PLA1A: variants seen among roughly 807,000 people sequenced by gnomAD.
The protein encoded by PLA1A is phosphatidylserine-specific phospholipase A1alpha.
PLA1A carries 47 observed loss-of-function variants against 49.4 expected under a neutral mutation model. The observed-to-expected ratio is 0.95, with a 90% CI of 0.75 to 1.21. The LOEUF (loss-of-function observed/expected upper bound fraction) is 1.21. Among genes scored for constraint, PLA1A ranks in the 50% most tolerant of loss-of-function variants. PLA1A has a pLI of 0.00. For missense variants in PLA1A, 561 were observed against 563.9 expected, an observed-to-expected ratio of 0.99 and a Z score of 0.05; for synonymous variants, 224 against 207.9, an observed-to-expected ratio of 1.08 and a Z score of -0.67.
Position 119,628,864 on chromosome 3 carries a change from A to AG in PLA1A, c.1286+1dup. 3 of 1,613,322 alleles carry AG rather than the reference A, an allele frequency of 1.9e-6. No individual in the cohort carries two copies. Among genetic ancestry groups the AG allele is most frequent in the Non-Finnish European group, 2.5e-6 (3 of 1,179,256 alleles). Reference sequence around the variant, plus strand: ...CACTGCCCTTTTGCCTGTCAATGACAGGTAAGCCCCAGTATTCACCTCTGC... The same window carrying AG: ...CACTGCCCTTTTGCCTGTCAATGACAGGGTAAGCCCCAGTATTCACCTCTGC... On this transcript the variant is annotated frameshift_variant and splice_region_variant, in exon 10 of 11. Transcript: ENST00000273371. LOFTEE classifies it high-confidence loss of function.
chr3:119,629,622 G>C lies in PLA1A; in HGVS notation c.*154G>C, dbSNP rs905852541. The C allele has an allele frequency of 2.4e-5, 14 of 591,808 alleles. No individual in the cohort carries two copies. Among genetic ancestry groups the C allele is most frequent in the Non-Finnish European group, 4.2e-5 (14 of 332,492 alleles). 36.7% of individuals were successfully genotyped at this position (591,808 alleles called of 1,614,324 possible). ...ATTTTCCTCATAATCAGCTACCCTG[G>C]AGGGGAGGGAGAACTCATTTTACAG... On this transcript the variant is annotated 3_prime_UTR_variant, in exon 11 of 11. Coordinates refer to ENST00000273371, the MANE Select transcript of PLA1A (RefSeq NM_015900.4).
chr3:119,619,857 T>C (rs1376771064), intron 8 of PLA1A, among the ~76,000 whole-genome samples: 1 of 152,256 alleles, frequency 6.6e-6, no homozygotes, highest in African/African-American at 2.4e-5. Flanking sequence ...TCTTACTGTC[T>C]ATCTACTGAT....
intron 1 of PLA1A, among the ~76,000 whole-genome samples, chr3:119,601,048 C>T (rs191318542): frequency 7.2e-5 from 11 of 152,334 alleles, no homozygotes; most frequent in South Asian, 2.1e-4. Flanking sequence ...GCCTGCTTCC[C>T]GACACATGCA....
chr3:119,624,955 A>G lies in PLA1A; in HGVS notation c.1013-169A>G, dbSNP rs577237996. Among the ~76,000 whole-genome samples the G allele has an allele frequency of 3.9e-5, 6 of 152,204 alleles. No individual in the cohort carries two copies. In the East Asian group the frequency reaches 9.6e-4, roughly 24 times the overall value. ...CAAGTGTCTATTTTTATTATCCTCA[A>G]TTTGCACTTGAGGAAACTGAGGACC... On this transcript the variant is annotated intron_variant, in intron 8 of 10. Transcript: ENST00000273371.
At chr3:119,608,050 C>T (rs1051091913) in intron 2 of PLA1A, among the ~76,000 whole-genome samples, 2 of 152,090 alleles carry the variant, frequency 1.3e-5, no homozygotes, top group East Asian at 3.8e-4. Context: ...AGGACAGGGA[C>T]TATATCTTAT....
intron 8 of PLA1A, chr3:119,620,243 G>A: frequency 4.6e-6 from 2 of 436,196 alleles, no homozygotes; most frequent in Admixed American, 4.8e-5. Flanking sequence ...TCTTAACTAG[G>A]GTGACTATAC....
At chr3:119,626,117 A>C (rs989707879) in intron 9 of PLA1A, among the ~76,000 whole-genome samples, 1 of 152,234 alleles carries the variant, frequency 6.6e-6, no homozygotes, top group East Asian at 1.9e-4. Context: ...ACAGGAGCCA[A>C]TACAACCCTA....
chr3:119,605,488 A>T (rs1042860605), intron 1 of PLA1A, among the ~76,000 whole-genome samples: 3 of 152,188 alleles, frequency 2.0e-5, no homozygotes, highest in African/African-American at 7.2e-5. Flanking sequence ...GAAGATAATC[A>T]CTCCAGAAAT....
chr3:119,621,017 C>T (rs1348658996), intron 8 of PLA1A, among the ~76,000 whole-genome samples: 3 of 152,206 alleles, frequency 2.0e-5, no homozygotes, highest in Admixed American at 2.0e-4. Context: ...TACGTCTCAG[C>T]TCCCCTTCTG....
At chr3:119,612,277 G>GGGGAA in intron 4 of PLA1A, among the ~76,000 whole-genome samples, 1 of 152,262 alleles carries the variant, frequency 6.6e-6, no homozygotes, top group South Asian at 2.1e-4. Context: ...CTTTTTGTAG[G>GGGGAA]GGGAAGGGAA....
chr3:119,598,865 A>G (rs574439984), intron 1 of PLA1A, among the ~76,000 whole-genome samples: 1 of 152,230 alleles, frequency 6.6e-6, no homozygotes, highest in South Asian at 2.1e-4. Flanking sequence ...TCCCTGCTAC[A>G]AAGTTCCACT....
At chr3:119,605,036 A>G (rs1025121664) in intron 1 of PLA1A, among the ~76,000 whole-genome samples, 54 of 152,258 alleles carry the variant, frequency 3.5e-4, no homozygotes, top group African/African-American at 1.3e-3. Flanking sequence ...AGGCTGCCCT[A>G]TATGAACAAT....
intron 2 of PLA1A, among the ~76,000 whole-genome samples, 157 bp from the exon 3 acceptor site, chr3:119,608,613 T>C (rs2082725653): frequency 6.6e-6 from 1 of 152,206 alleles, no homozygotes. Flanking sequence ...TGGAATTGTG[T>C]CCTCCCTATG....
intron 9 of PLA1A, among the ~76,000 whole-genome samples, chr3:119,627,647 G>C (rs749319671): frequency 1.3e-5 from 2 of 152,098 alleles, no homozygotes; most frequent in Non-Finnish European, 2.9e-5. Flanking sequence ...CCCGCCGAGA[G>C]GAACGCAGCG....
chr3:119,607,923 T>C (rs2082710782), intron 2 of PLA1A, among the ~76,000 whole-genome samples: 1 of 152,208 alleles, frequency 6.6e-6, no homozygotes, highest in African/African-American at 2.4e-5. Context: ...TTTGCTTCTA[T>C]ACTGGGAGTC....
chr3:119,609,668 A>G, intron 4 of PLA1A, 92 bp downstream of exon 4: 1 of 684,720 alleles, frequency 1.5e-6, no homozygotes. Context: ...AGGGGAGTAC[A>G]GAGCCTTTGT....
At chr3:119,619,937 C>T in intron 8 of PLA1A, 1 of 452,954 alleles carries the variant, frequency 2.2e-6, no homozygotes, top group East Asian at 5.1e-5. Context: ...TTAGGAGTGT[C>T]CTCCGGCTGC....
intron 8 of PLA1A, chr3:119,620,072 A>G (rs1295587974): frequency 2.2e-6 from 1 of 458,328 alleles, no homozygotes; most frequent in South Asian, 1.5e-5. Flanking sequence ...CTTCCCCTTC[A>G]CAGATGCATT....
chr3:119,607,374 C>A (rs548314131), intron 2 of PLA1A, among the ~76,000 whole-genome samples: 25 of 152,116 alleles, frequency 1.6e-4, no homozygotes, highest in Non-Finnish European at 3.4e-4. Flanking sequence ...GAGCTATGCA[C>A]GTCTCTTCTT....
Sources: allele counts gnomAD v4.1 joint callset (sites outside exome capture counted in the v4.1 genomes callset), GRCh38; gene constraint gnomAD v4.1.1; transcripts MANE v1.5; gene names NCBI Gene and HGNC (gene_info 2026-07-23, HGNC 2026-07-21).